RMDN2: variants seen among roughly 807,000 people sequenced by gnomAD.
The protein encoded by RMDN2 is regulator of microtubule dynamics protein 2.
A neutral mutation model predicts 52.8 loss-of-function variants in RMDN2; 61 were observed. That is an observed-to-expected ratio of 1.16 (90% CI 0.94 to 1.43). RMDN2 has a LOEUF of 1.43. Ranked by LOEUF, RMDN2 falls within the 40% of genes most tolerant of loss-of-function variation. The pLI is 0.00. For missense variants in RMDN2, 592 were observed against 475.3 expected (o/e 1.25, Z -2.28); for synonymous variants, 180 against 153.1 (o/e 1.18, Z -1.30).
intron 2 of RMDN2, among the ~76,000 whole-genome samples, chr2:37,941,688 A>G (rs1251662254): frequency 3.9e-5 from 6 of 152,260 alleles, no homozygotes; most frequent in African/African-American, 1.4e-4. Context: ...GGCTTTGTTT[A>G]CACCGTGTGG....
intron 2 of RMDN2, among the ~76,000 whole-genome samples, chr2:37,973,328 C>T (rs1672041048): frequency 6.6e-6 from 1 of 152,170 alleles, no homozygotes; most frequent in African/African-American, 2.4e-5. Context: ...TCATCTTGAA[C>T]TATAAATATG....
intron 2 of RMDN2, among the ~76,000 whole-genome samples, chr2:37,962,855 T>A (rs1193119165): frequency 6.6e-6 from 1 of 152,102 alleles, no homozygotes; most frequent in Non-Finnish European, 1.5e-5. Flanking sequence ...AATCTCGCGG[T>A]CTGCGGGTTG....
intron 2 of RMDN2, among the ~76,000 whole-genome samples, chr2:37,956,940 A>G (rs1032585674): frequency 2.0e-4 from 31 of 152,134 alleles, no homozygotes; most frequent in African/African-American, 7.5e-4. Flanking sequence ...TTTGCTGAGA[A>G]TGGTGGTTTC....
intron 2 of RMDN2, among the ~76,000 whole-genome samples, chr2:37,963,963 G>T (rs1318446629): frequency 1.3e-5 from 2 of 149,980 alleles, no homozygotes; most frequent in African/African-American, 4.9e-5. Context: ...CCTCCCTCCC[G>T]GACAGGGCGG....
intron 10 of RMDN2, among the ~76,000 whole-genome samples, chr2:38,044,820 G>C (rs1681173982): frequency 6.6e-6 from 1 of 151,968 alleles, no homozygotes; most frequent in Admixed American, 6.6e-5. Context: ...CATATAAAGT[G>C]CTTTATATAA....
intron 10 of RMDN2, among the ~76,000 whole-genome samples, chr2:38,052,412 T>C (rs1435953349): frequency 1.3e-5 from 2 of 152,232 alleles, no homozygotes; most frequent in East Asian, 3.8e-4. Flanking sequence ...TCCTTGTATA[T>C]TCTAGAAATT....
intron 8 of RMDN2, among the ~76,000 whole-genome samples, chr2:38,001,299 A>G (rs1219427109): frequency 6.6e-6 from 1 of 152,240 alleles, no homozygotes; most frequent in African/African-American, 2.4e-5. Flanking sequence ...TTAAATATGT[A>G]TAATATTCTT....
At chr2:37,998,585 A>T (rs1675889976) in intron 8 of RMDN2, among the ~76,000 whole-genome samples, 1 of 152,176 alleles carries the variant, frequency 6.6e-6, no homozygotes, top group African/African-American at 2.4e-5. Context: ...TTCAGGGAGC[A>T]GTTTTGTAGA....
intron 10 of RMDN2, among the ~76,000 whole-genome samples, chr2:38,040,045 C>CATTATTACT (rs1553388015): frequency 7.1e-6 from 1 of 141,686 alleles, no homozygotes; most frequent in East Asian, 2.0e-4. Flanking sequence ...TGTCTAGATT[C>CATTATTACT]ATTATTATTA....
chr2:37,947,100 G>A (rs1668283345), intron 2 of RMDN2, among the ~76,000 whole-genome samples: 1 of 151,992 alleles, frequency 6.6e-6, no homozygotes, highest in African/African-American at 2.4e-5. Context: ...ATGCAGTTCT[G>A]TTACATGGTT....
Position 37,997,481 on chromosome 2 carries a change from A to C in RMDN2, c.1011A>C (p.Ser337=). ...CTCTGTTTGGAAAAATACCATCTTC[A>C]ACTGTACAAGAAGCTTTACACAATT... ...AATLFGKIPS[S]TVQEALHNFL... Residue 337 remains serine, a synonymous_variant, in exon 8 of 11, where the codon TCA becomes TCC. Coordinates refer to ENST00000354545, the MANE Select transcript of RMDN2 (RefSeq NM_001170791.3). 4 of 1,613,610 alleles carry C rather than the reference A, an allele frequency of 2.5e-6. No individual in the cohort carries two copies. Among genetic ancestry groups the C allele is most frequent in the Non-Finnish European group, 3.4e-6 (4 of 1,179,576 alleles).
intron 1 of RMDN2, among the ~76,000 whole-genome samples, chr2:37,927,977 G>A (rs973195939): frequency 6.6e-6 from 1 of 152,156 alleles, no homozygotes; most frequent in Non-Finnish European, 1.5e-5. Flanking sequence ...ATTTTTTTAA[G>A]TTAATTCCAG....
At chr2:37,951,278 T>C (rs766027889) in intron 2 of RMDN2, 8 of 1,606,160 alleles carry the variant, frequency 5.0e-6, no homozygotes, top group South Asian at 3.3e-5. Flanking sequence ...CTCCAGAAGA[T>C]CAAGTTAGTA....
At chr2:37,975,174 A>G in intron 3 of RMDN2, 38 bp from the exon 4 acceptor site, 3 of 1,198,432 alleles carry the variant, frequency 2.5e-6, no homozygotes, top group Non-Finnish European at 2.5e-6. Flanking sequence ...ACAAGTTACC[A>G]AGTTAATTTA....
chr2:38,004,129 T>C lies in RMDN2; in HGVS notation c.1099-7T>C, dbSNP rs760396208. On this transcript the variant is annotated splice_region_variant and splice_polypyrimidine_tract_variant and intron_variant, in intron 9 of 10. Transcript: ENST00000354545. ...TATGTTTAATATTGGTTATTTCTCA[T>C]TTCCAGTGTTATACTGATCTTGAGG... 1.2e-6 allele frequency: 2 copies of C among 1,613,080 alleles called. No homozygotes were observed. The highest frequency in any genetic ancestry group is 1.7e-6 in the Non-Finnish European group (2 of 1,179,156).
At chr2:37,978,489 A>G (rs1672858959) in intron 4 of RMDN2, among the ~76,000 whole-genome samples, 1 of 152,214 alleles carries the variant, frequency 6.6e-6, no homozygotes, top group Non-Finnish European at 1.5e-5. Flanking sequence ...TAGTCAAATA[A>G]TCATACATAT....
intron 10 of RMDN2, among the ~76,000 whole-genome samples, chr2:38,033,600 A>C (rs1288590670): frequency 6.6e-6 from 1 of 152,270 alleles, no homozygotes; most frequent in East Asian, 1.9e-4. Context: ...CCATGTGGAC[A>C]CACATTCATT....
chr2:37,932,819 A>G (rs1666908739), intron 2 of RMDN2, among the ~76,000 whole-genome samples: 1 of 93,304 alleles, frequency 1.1e-5, no homozygotes, highest in Non-Finnish European at 2.2e-5. Flanking sequence ...CGGGGGGCTG[A>G]CCCCCCGACC....
chr2:38,054,026 A>T (rs1050456565), intron 10 of RMDN2, among the ~76,000 whole-genome samples: 4 of 152,174 alleles, frequency 2.6e-5, no homozygotes, highest in African/African-American at 9.6e-5. Flanking sequence ...TTTCCAGTTG[A>T]CCACTTATCA....
Sources: allele counts gnomAD v4.1 joint callset (sites outside exome capture counted in the v4.1 genomes callset), GRCh38; gene constraint gnomAD v4.1.1; transcripts MANE v1.5; gene names NCBI Gene and HGNC (gene_info 2026-07-23, HGNC 2026-07-21).